SLC41A1: variants seen among roughly 807,000 people sequenced by gnomAD.
SLC41A1 encodes solute carrier family 41 member 1.
A neutral mutation model predicts 47.3 loss-of-function variants in SLC41A1; 20 were observed. The ratio of observed to expected loss-of-function variants is 0.42; its 90% CI spans 0.30 to 0.61. The LOEUF (loss-of-function observed/expected upper bound fraction) is 0.61. SLC41A1 is among the 20% of genes least tolerant of loss of function. The pLI is 0.17. For synonymous variants in SLC41A1, 282 were observed against 272.7 expected, an observed-to-expected ratio of 1.03 and a Z score of -0.34; for missense variants, 504 against 674.1, an observed-to-expected ratio of 0.75 and a Z score of 2.79.
Position 205,797,002 on chromosome 1 carries a change from C to A in SLC41A1, c.994G>T (p.Val332Leu), listed in dbSNP as rs1173885958. ...PVIIAMAISSVGGLILDKTVS... is the reference protein window; with the variant it reads ...PVIIAMAISSLGGLILDKTVS... The stretch of plus-strand genomic sequence containing the variant: ...GTCTTGTCCAAGATGAGGCCTCCCA[C>A]ACTATAGAGACATAAAGACAAAATG... The change falls in exon 8 of 11, where the codon GTG becomes TTG. Residue 332 changes from valine (V) to leucine (L), a missense_variant and splice_region_variant. Val to Leu is a conservative substitution (Grantham distance 32). Coordinates refer to ENST00000367137, the MANE Select transcript of SLC41A1 (RefSeq NM_173854.6). 6.2e-7 allele frequency: 1 copy of A among 1,608,604 alleles called. No individual in the cohort carries two copies. Among genetic ancestry groups the A allele is most frequent in the East Asian group, 2.2e-5 (1 of 44,690 alleles).
intron 10 of SLC41A1, among the ~76,000 whole-genome samples, chr1:205,794,013 A>G (rs933555772): frequency 3.9e-5 from 6 of 152,222 alleles, no homozygotes; most frequent in Non-Finnish European, 8.8e-5. Flanking sequence ...ATGTAATAAT[A>G]AGGGTGGATC....
At chr1:205,805,093 GAGAC>G (rs965026023) in intron 2 of SLC41A1, among the ~76,000 whole-genome samples, 3 of 152,172 alleles carry the variant, frequency 2.0e-5, no homozygotes, top group Admixed American at 6.5e-5. Context: ...AGTGGGATAA[GAGAC>G]AGACAGGCAA....
chr1:205,791,439 A>C lies in SLC41A1; in HGVS notation c.*94T>G. Reference sequence around the variant, plus strand: ...GGTATCAAAGTGAAGTCCTAGAAAGAGGTGGGAGTGTGGGGTGGAGGAGGG... The same window carrying C: ...GGTATCAAAGTGAAGTCCTAGAAAGCGGTGGGAGTGTGGGGTGGAGGAGGG... On this transcript the variant is annotated 3_prime_UTR_variant, in exon 11 of 11. Transcript: ENST00000367137. The surrounding 1 kb of genome is among the most constrained non-coding windows in gnomAD (Gnocchi z 4.0). The C allele has an allele frequency of 1.4e-6, 2 of 1,420,082 alleles. No homozygotes were observed. Among genetic ancestry groups the C allele is most frequent in the Non-Finnish European group, 2.0e-6 (2 of 1,012,990 alleles). 88.0% of individuals were successfully genotyped at this position (1,420,082 alleles called of 1,614,324 possible). A position where few individuals can be genotyped will look rare whatever the true frequency, so the allele number is the denominator to read the frequency against.
At chr1:205,803,121 A>G (rs1655929233) in intron 2 of SLC41A1, among the ~76,000 whole-genome samples, 1 of 152,188 alleles carries the variant, frequency 6.6e-6, no homozygotes, top group African/African-American at 2.4e-5. Context: ...GTGAGCCGAG[A>G]CAGTGCCACT....
At chr1:205,795,107 T>C (rs1655713684) in intron 9 of SLC41A1, 89 bp from the exon 10 acceptor site, 4 of 1,539,244 alleles carry the variant, frequency 2.6e-6, no homozygotes, top group African/African-American at 2.7e-5. Flanking sequence ...GACGGCACCA[T>C]ACCCCAGGGC....
intron 7 of SLC41A1, 134 bp from the exon 8 acceptor site, chr1:205,797,137 T>C: frequency 1.3e-6 from 1 of 784,206 alleles, no homozygotes; most frequent in South Asian, 1.5e-5. Context: ...TTCCTCACCA[T>C]CCAGTCCTTG....
chr1:205,813,016 G>A lies in SLC41A1; in HGVS notation c.-855C>T, dbSNP rs1479777883. On this transcript the variant is annotated 5_prime_UTR_variant, in exon 1 of 11. Coordinates refer to ENST00000367137, the MANE Select transcript of SLC41A1 (RefSeq NM_173854.6). Reference sequence around the variant, plus strand: ...TTCGCTTCTGCGTTACAGCGAGGCCGCCGCTCCGCTTCCACGCGGGGGAGG... The same window carrying A: ...TTCGCTTCTGCGTTACAGCGAGGCCACCGCTCCGCTTCCACGCGGGGGAGG... 1.0e-6 allele frequency: 1 copy of A among 985,564 alleles called. No individual in the cohort carries two copies. The highest frequency in any genetic ancestry group is 1.2e-6 in the Non-Finnish European group (1 of 830,016). The allele number at this position is 985,564 out of a possible 1,614,324, so 61.1% of individuals were successfully genotyped here. A position where few individuals can be genotyped will look rare whatever the true frequency, so the allele number is the denominator to read the frequency against.
intron 9 of SLC41A1, 104 bp from the exon 10 acceptor site, chr1:205,795,122 G>A: frequency 1.3e-6 from 2 of 1,503,432 alleles, no homozygotes; most frequent in Non-Finnish European, 1.8e-6. Flanking sequence ...CAGGGCAACA[G>A]ACAGATGAAT....
At chr1:205,801,755 G>A (rs1359986278) in intron 2 of SLC41A1, among the ~76,000 whole-genome samples, 1 of 152,208 alleles carries the variant, frequency 6.6e-6, no homozygotes, top group African/African-American at 2.4e-5. Flanking sequence ...CGGGAGTCAG[G>A]AGACCTGAGT....
In SLC41A1 at chr1:205,796,852, C is replaced by T. The variant is rs115519405; in HGVS notation, c.1072+72G>A. On this transcript the variant is annotated intron_variant, in intron 8 of 10. Coordinates refer to ENST00000367137, the MANE Select transcript of SLC41A1 (RefSeq NM_173854.6). ...ACCCTGACTGATACAGAAACCAACC[C>T]CTTAAGTCCTCTTCTCCTGTCCCTT... The T allele has an allele frequency of 0.035, 52,412 of 1,480,504 alleles. 1,094 individuals carry two copies. Among genetic ancestry groups the T allele is most frequent in the Middle Eastern group, 0.044 (245 of 5,578 alleles). The allele number at this position is 1,480,504 out of a possible 1,614,324, so 91.7% of individuals were successfully genotyped here.
Position 205,795,657 on chromosome 1 carries a change from G to GAA in SLC41A1, c.1073-181_1073-180dup, listed in dbSNP as rs1263279856. The GAA allele has an allele frequency of 1.5e-5, 11 of 745,944 alleles. No individual in the cohort carries two copies. The East Asian group carries it at 3.0e-4, about 20-fold the overall frequency. The allele number at this position is 745,944 out of a possible 1,614,324, so 46.2% of individuals were successfully genotyped here. On this transcript the variant is annotated intron_variant, in intron 8 of 10. Transcript: ENST00000367137. ...AAAAGAAGAGTAAGGCACTAAGAAG[G>GAA]AAGACAAAGACCCCTGCTTCCAGTG...
intron 2 of SLC41A1, among the ~76,000 whole-genome samples, chr1:205,809,632 G>C (rs915682140): frequency 3.3e-5 from 5 of 152,158 alleles, no homozygotes; most frequent in Admixed American, 3.3e-4. Flanking sequence ...CTGCCCAGTA[G>C]GGGGATGGAG....
chr1:205,809,880 T>C (rs1656104451), intron 2 of SLC41A1, among the ~76,000 whole-genome samples, 190 bp downstream of exon 2: 1 of 152,196 alleles, frequency 6.6e-6, no homozygotes, highest in African/African-American at 2.4e-5. Flanking sequence ...CCAGGGCTAC[T>C]CGGTTTCCTT....
intron 10 of SLC41A1, among the ~76,000 whole-genome samples, chr1:205,794,583 C>T (rs904434045): frequency 1.3e-5 from 2 of 152,096 alleles, no homozygotes; most frequent in Non-Finnish European, 2.9e-5. Context: ...GCTCAGCATC[C>T]TACAACCACC....
At chr1:205,795,298 T>C (rs750452622) in intron 9 of SLC41A1, 46 bp downstream of exon 9, 52 of 1,613,682 alleles carry the variant, frequency 3.2e-5, no homozygotes, top group East Asian at 6.7e-5. Flanking sequence ...TCACTGACAG[T>C]AGGCCCACTC....
At chr1:205,806,848 T>C (rs1183957111) in intron 2 of SLC41A1, among the ~76,000 whole-genome samples, 1 of 152,230 alleles carries the variant, frequency 6.6e-6, no homozygotes, top group African/African-American at 2.4e-5. Flanking sequence ...CTTTTTCTTT[T>C]AAATTAAAAT....
chr1:205,811,627 G>T (rs1656156634), intron 1 of SLC41A1, among the ~76,000 whole-genome samples: 1 of 152,180 alleles, frequency 6.6e-6, no homozygotes, highest in Non-Finnish European at 1.5e-5. Context: ...AAGTCCCCCA[G>T]ACCCCAGATC....
intron 2 of SLC41A1, among the ~76,000 whole-genome samples, chr1:205,804,385 C>G (rs889339467): frequency 1.3e-5 from 2 of 152,112 alleles, no homozygotes; most frequent in African/African-American, 4.8e-5. Flanking sequence ...CTTAGGGAAG[C>G]CCCACCGTAG....
Position 205,810,147 on chromosome 1 carries a change from C to A in SLC41A1, c.295G>T (p.Gly99Trp). The stretch of plus-strand genomic sequence containing the variant: ...AGGAATGGAAACAGTACTTGCAGCC[C>A]GATGGAAAAGGAGGTCTCCTTGAGC... ...SPLKETSFSI[G>W]LQVLFPFLLA... The change falls in exon 2 of 11, where the codon GGG (glycine) becomes TGG (tryptophan). Residue 99 changes from glycine to tryptophan, a missense_variant. Physicochemically the swap from Gly to Trp is radical, Grantham distance 184 (BLOSUM62 -2). This residue lies in a region of SLC41A1 where 421 missense variants were observed against 601.6 expected (regional missense o/e 0.70). Coordinates refer to ENST00000367137, the MANE Select transcript of SLC41A1 (RefSeq NM_173854.6). The surrounding 1 kb of genome is among the most constrained non-coding windows in gnomAD (Gnocchi z 5.5). The A allele has an allele frequency of 1.2e-6, 2 of 1,614,196 alleles. No individual in the cohort carries two copies. The highest frequency in any genetic ancestry group is 1.7e-6 in the Non-Finnish European group (2 of 1,180,042).
Sources: gnomAD v4.1 joint callset for allele counts (sites outside exome capture counted in the v4.1 genomes callset) on GRCh38, gnomAD v4.1.1 for gene constraint, gnomAD v4.1.1 regional missense constraint, Gnocchi (gnomAD v3.1) non-coding constraint, MANE v1.5 for transcripts, NCBI Gene and HGNC (gene_info 2026-07-23, HGNC 2026-07-21) for gene names.